The following DSC1 variants were observed in gnomAD, a reference collection of about 807,000 sequenced individuals.
DSC1 encodes desmocollin 1, also known as desmocollin-1.
A neutral mutation model predicts 98.8 loss-of-function variants in DSC1; 79 were observed. That is an observed-to-expected ratio of 0.80 (90% CI 0.67 to 0.96). The LOEUF (loss-of-function observed/expected upper bound fraction) is 0.96. Ranked by LOEUF, DSC1 falls within the 50% of genes least tolerant of loss-of-function variation. The pLI, the probability that DSC1 is intolerant of heterozygous loss-of-function variation, is 0.00. For synonymous variants in DSC1, 405 were observed against 372.1 expected (o/e 1.09, Z -1.02); for missense variants, 1,115 against 1,075.9 (o/e 1.04, Z -0.51).
Position 31,142,214 on chromosome 18 carries a change from T to C in DSC1, c.1075-30A>G, listed in dbSNP as rs1219859973. Reference sequence around the variant, plus strand: ...AAGAATTGCCCCTTATTATTATCAATTTACAACTTTGACAATGTAGCTTTA... The same window carrying C: ...AAGAATTGCCCCTTATTATTATCAACTTACAACTTTGACAATGTAGCTTTA... On this transcript the variant is annotated intron_variant, in intron 8 of 15. Coordinates refer to ENST00000257198, the MANE Select transcript of DSC1 (RefSeq NM_024421.2). 3 of 1,580,782 alleles carry C rather than the reference T, an allele frequency of 1.9e-6. No individual in the cohort carries two copies. In the African/African-American group the frequency reaches 4.1e-5, roughly 22 times the overall value.
At chr18:31,133,684 A>G (rs1011276896) in intron 13 of DSC1, among the ~76,000 whole-genome samples, 2 of 152,130 alleles carry the variant, frequency 1.3e-5, no homozygotes, top group African/African-American at 4.8e-5. Context: ...TGAAGAACTA[A>G]GGCTACCACC....
intron 2 of DSC1, among the ~76,000 whole-genome samples, chr18:31,159,024 T>A (rs1989154098): frequency 6.8e-6 from 1 of 147,884 alleles, no homozygotes; most frequent in African/African-American, 2.5e-5. Flanking sequence ...CATCCGATTT[T>A]AACTTCAAGT....
At chr18:31,131,263 T>G (rs913000505) in intron 15 of DSC1, among the ~76,000 whole-genome samples, 7 of 152,212 alleles carry the variant, frequency 4.6e-5, no homozygotes, top group African/African-American at 1.7e-4. Flanking sequence ...TGTTTATAAT[T>G]TATGATCCAT....
At chr18:31,150,408 CCACATCATCACTGCTACCACTAT>C in intron 5 of DSC1, among the ~76,000 whole-genome samples, 1 of 8,132 alleles carries the variant, frequency 1.2e-4, no homozygotes, top group African/African-American at 4.6e-4. Flanking sequence ...ATCACCACCA[CCACATCATCACTGCTACCACTAT>C]TACCATCACC....
intron 11 of DSC1, among the ~76,000 whole-genome samples, chr18:31,138,812 T>C (rs919581874): frequency 2.0e-5 from 3 of 151,842 alleles, no homozygotes; most frequent in African/African-American, 7.2e-5. Flanking sequence ...AGCATATGCA[T>C]GTAAAAAGAG....
rs758779457 is a variant in DSC1, at chr18:31,131,858, G to T, written c.2239-16C>A. On this transcript the variant is annotated splice_polypyrimidine_tract_variant and intron_variant, in intron 14 of 15. Coordinates refer to ENST00000257198, the MANE Select transcript of DSC1 (RefSeq NM_024421.2). ...TATTTGCTTCCTAAAAGTAAAGTGA[G>T]AGTGATAAAGTGAATTTGAAAAATG... is the stretch of plus-strand genomic sequence containing the variant. 3.0e-5 allele frequency: 48 copies of T among 1,610,326 alleles called. No individual in the cohort carries two copies. The Middle Eastern group carries it at 9.9e-4, about 33-fold the overall frequency.
In DSC1 at chr18:31,130,245, G is replaced by A. The variant is rs1229982117; in HGVS notation, c.*269C>T. ...AGTAACATCAGTTTGCAAATAAAAG[G>A]TGCAAGAAGGTGTACAGTACAGTCG... On this transcript the variant is annotated 3_prime_UTR_variant, in exon 16 of 16. Coordinates refer to ENST00000257198, the MANE Select transcript of DSC1 (RefSeq NM_024421.2). 3.1e-5 allele frequency: 11 copies of A among 356,886 alleles called. No individual in the cohort carries two copies. In the Admixed American group the frequency reaches 4.3e-4, roughly 14 times the overall value. The allele number at this position is 356,886 out of a possible 1,614,324, so 22.1% of individuals were successfully genotyped here. A position where few individuals can be genotyped will look rare whatever the true frequency, so the allele number is the denominator to read the frequency against.
Position 31,132,538 on chromosome 18 carries a change from C to A in DSC1, c.2238+30G>T, listed in dbSNP as rs764596626. 3.9e-5 allele frequency: 63 copies of A among 1,610,070 alleles called. No individual in the cohort carries two copies. In the African/African-American group the frequency reaches 7.6e-4, roughly 19 times the overall value. ...AATCTGTCATCATTTGTTCACCGTA[C>A]AATTCAAAGGGATGTGAAATCTGAT... is the stretch of plus-strand genomic sequence containing the variant. On this transcript the variant is annotated intron_variant, in intron 14 of 15. Transcript: ENST00000257198.
chr18:31,139,954 C>A, intron 10 of DSC1, 64 bp from the exon 11 acceptor site: 11 of 1,561,610 alleles, frequency 7.0e-6, no homozygotes, highest in African/African-American at 1.4e-5. Context: ...TAAAATCTGT[C>A]ATTTTGAAAA....
chr18:31,146,910 G>C (rs1443642241), intron 6 of DSC1, among the ~76,000 whole-genome samples: 1 of 152,138 alleles, frequency 6.6e-6, no homozygotes, highest in Non-Finnish European at 1.5e-5. Context: ...CAAAATCATA[G>C]GGAGTAGTCT....
Position 31,147,442 on chromosome 18 carries a change from T to A in DSC1, c.772+1056A>T, listed in dbSNP as rs373187228. The stretch of plus-strand genomic sequence containing the variant: ...TTAGTAACTTTATGTATCAATTAGC[T>A]GCCTTCTATATGTGGGTAGCAAGAT... On this transcript the variant is annotated intron_variant, in intron 6 of 15. Transcript: ENST00000257198. 3.3e-5 allele frequency among the ~76,000 whole-genome samples: 5 copies of A among 152,302 alleles called. No individual in the cohort carries two copies. In the South Asian group the frequency reaches 1.0e-3, roughly 32 times the overall value.
At position 31,131,636 on chromosome 18, in the gene DSC1, C is replaced by A. The variant is rs755652280; in HGVS notation, c.2445G>T (p.Ala815=). 2 of 1,614,056 alleles carry A rather than the reference C, an allele frequency of 1.2e-6. No individual in the cohort carries two copies. The highest frequency in any genetic ancestry group is 3.3e-5 in the Admixed American group (2 of 59,996). The change falls in exon 15 of 16, where the codon GCG becomes GCT. Residue 815 remains alanine, a synonymous_variant. Coordinates refer to ENST00000257198, the MANE Select transcript of DSC1 (RefSeq NM_024421.2). ...GVGQGDTGRY[A]YTDWQSFTQP... ...GGGTGAAACTCTGCCAGTCCGTGTA[C>A]GCATATCTGCCAGTATCTCCCTGCC...
intron 11 of DSC1, among the ~76,000 whole-genome samples, chr18:31,137,965 ATGTGTGTGTGTGTGTGTGTG>A (rs201493651): frequency 5.7e-5 from 8 of 141,530 alleles, no homozygotes; most frequent in Non-Finnish European, 9.3e-5. Flanking sequence ...TCAGAGCAAA[ATGTGTGTGTGTGTGTGTGTG>A]TGTGTGTGTG....
chr18:31,161,346 G>C (rs762483616), intron 1 of DSC1, among the ~76,000 whole-genome samples: 1 of 149,074 alleles, frequency 6.7e-6, no homozygotes, highest in African/African-American at 2.6e-5. Flanking sequence ...GTATATGTGC[G>C]TGTGTGTATA....
intron 4 of DSC1, among the ~76,000 whole-genome samples, chr18:31,155,206 C>T (rs2143927432): frequency 6.6e-6 from 1 of 152,236 alleles, no homozygotes; most frequent in East Asian, 1.9e-4. Flanking sequence ...CAAGTTTTAT[C>T]TATTTATTCT....
At position 31,143,662 on chromosome 18, in the gene DSC1, T is replaced by A. The variant is rs1281952300; in HGVS notation, c.1069A>T (p.Thr357Ser). The change falls in exon 8 of 16, where the codon ACT becomes TCT. Residue 357 changes from threonine (T) to serine (S), a missense_variant. Physicochemically the swap from Thr to Ser is moderately conservative, Grantham distance 58. Coordinates refer to ENST00000257198, the MANE Select transcript of DSC1 (RefSeq NM_024421.2). Reference sequence around the variant, plus strand: ...GAATAGAGAGGTATACTCACAGAAGTTTCTGTGAAAGATGGTGGATTGTCA... The same window carrying A: ...GAATAGAGAGGTATACTCACAGAAGATTCTGTGAAAGATGGTGGATTGTCA... ...ENDNPPSFTE[T>S]SYVTEVEENR... is the part of the protein sequence containing the mutation. 1.9e-6 allele frequency: 3 copies of A among 1,574,456 alleles called. No homozygotes were observed. Among genetic ancestry groups the A allele is most frequent in the Non-Finnish European group, 2.6e-6 (3 of 1,161,064 alleles).
At chr18:31,148,699 G>A (rs1250084401) in intron 5 of DSC1, 57 bp from the exon 6 acceptor site, 13 of 1,457,186 alleles carry the variant, frequency 8.9e-6, no homozygotes, top group Non-Finnish European at 1.2e-5. Context: ...ATGCACAAAA[G>A]TAAGCCTAGC....
intron 6 of DSC1, 82 bp downstream of exon 6, chr18:31,148,416 T>C: frequency 2.1e-6 from 3 of 1,421,000 alleles, no homozygotes; most frequent in Non-Finnish European, 2.8e-6. Context: ...AATGCAATGA[T>C]AAAACGTAAA....
At chr18:31,149,521 C>T (rs545342344) in intron 5 of DSC1, among the ~76,000 whole-genome samples, 1 of 152,292 alleles carries the variant, frequency 6.6e-6, no homozygotes, top group East Asian at 1.9e-4. Context: ...CTTTTCTATT[C>T]CCACTGCCAT....
Sources: allele counts gnomAD v4.1 joint callset (sites outside exome capture counted in the v4.1 genomes callset), GRCh38; gene constraint gnomAD v4.1.1; transcripts MANE v1.5; gene names NCBI Gene and HGNC (gene_info 2026-07-23, HGNC 2026-07-21).